PKNOX2: variants seen among roughly 807,000 people sequenced by gnomAD.
PKNOX2 encodes the protein homeobox protein PKNOX2.
A neutral mutation model predicts 53.1 loss-of-function variants in PKNOX2; 14 were observed. The observed-to-expected ratio is 0.26, with a 90% CI of 0.17 to 0.41. PKNOX2 has a LOEUF of 0.41. PKNOX2 is among the 10% of genes least tolerant of loss of function. The pLI is 1.00. For synonymous variants in PKNOX2, 257 were observed against 242.8 expected (o/e 1.06, Z -0.54); for missense variants, 496 against 602.8 (o/e 0.82, Z 1.85).
In PKNOX2 at chr11:125,299,795, C is replaced by T. The variant is rs552423940; in HGVS notation, c.-129-32024C>T. Reference sequence around the variant, plus strand: ...GCTGGATCCCCTCGCATCCCCCCACCGGGCTGCTCTGCTTTCCTGAGCCTC... The same window carrying T: ...GCTGGATCCCCTCGCATCCCCCCACTGGGCTGCTCTGCTTTCCTGAGCCTC... On this transcript the variant is annotated intron_variant, in intron 2 of 12. Transcript: ENST00000298282. Among the ~76,000 whole-genome samples the T allele has an allele frequency of 4.4e-4, 67 of 151,480 alleles. 1 individual carries two copies. Among genetic ancestry groups the T allele is most frequent in the South Asian group, 1.7e-3 (8 of 4,624 alleles).
At chr11:125,348,473 G>A (rs1288064499) in intron 3 of PKNOX2, among the ~76,000 whole-genome samples, 2 of 152,260 alleles carry the variant, frequency 1.3e-5, no homozygotes, top group African/African-American at 4.8e-5. Context: ...AGGAGGGGGA[G>A]GGGCCAGGGC....
intron 2 of PKNOX2, among the ~76,000 whole-genome samples, chr11:125,321,427 A>G (rs574675506): frequency 6.6e-6 from 1 of 152,332 alleles, no homozygotes; most frequent in South Asian, 2.1e-4. Context: ...TTAAATCTCT[A>G]GATTACTTAT....
At chr11:125,337,407 T>C (rs147051692) in intron 3 of PKNOX2, among the ~76,000 whole-genome samples, 1 of 152,248 alleles carries the variant, frequency 6.6e-6, no homozygotes, top group Non-Finnish European at 1.5e-5. Flanking sequence ...AGTTCTCACA[T>C]GTCCAACACT....
intron 2 of PKNOX2, among the ~76,000 whole-genome samples, chr11:125,318,740 A>G (rs1949352910): frequency 6.6e-6 from 1 of 152,084 alleles, no homozygotes; most frequent in Admixed American, 6.5e-5. Context: ...CCCAAATCTC[A>G]TTTCAAATTG....
At chr11:125,270,399 A>G (rs1264588556) in intron 2 of PKNOX2, among the ~76,000 whole-genome samples, 1 of 152,120 alleles carries the variant, frequency 6.6e-6, no homozygotes, top group African/African-American at 2.4e-5. Flanking sequence ...TCTATGTGTC[A>G]TCTCAAGGGC....
intron 3 of PKNOX2, among the ~76,000 whole-genome samples, chr11:125,349,641 C>G (rs112555773): frequency 0.016 from 2,453 of 152,144 alleles, 71 homozygotes; most frequent in African/African-American, 0.052. Context: ...CCTCTCCTAG[C>G]CATGCCTCAT....
chr11:125,303,492 G>A (rs948268599), intron 2 of PKNOX2, among the ~76,000 whole-genome samples: 11 of 152,126 alleles, frequency 7.2e-5, no homozygotes, highest in Admixed American at 3.3e-4. Context: ...GTCTGGATAC[G>A]TGGATGGTGA....
rs1460520704 is a variant in PKNOX2 at position 125,370,775 on chromosome 11, A to G, written c.227+2790A>G. Among the ~76,000 whole-genome samples the G allele has an allele frequency of 1.3e-5, 2 of 152,178 alleles. No individual in the cohort carries two copies. The highest frequency in any genetic ancestry group is 2.9e-5 in the Non-Finnish European group (2 of 68,028). Reference sequence around the variant, plus strand: ...GCTCAGCCTCCTGTAGGGTCGGGTAATTTTAATTAGATTTGCCTGCCTGGG... The same window carrying G: ...GCTCAGCCTCCTGTAGGGTCGGGTAGTTTTAATTAGATTTGCCTGCCTGGG... On this transcript the variant is annotated intron_variant, in intron 5 of 12. Coordinates refer to ENST00000298282, the MANE Select transcript of PKNOX2 (RefSeq NM_001382323.2). The surrounding 1 kb of genome is among the most constrained non-coding windows in gnomAD (Gnocchi z 4.1).
At chr11:125,257,006 G>C (rs956104089) in intron 2 of PKNOX2, among the ~76,000 whole-genome samples, 1 of 139,996 alleles carries the variant, frequency 7.1e-6, no homozygotes, top group East Asian at 2.1e-4. Context: ...ATCTGTGTAG[G>C]GTTTTTTTTT....
chr11:125,320,181 G>C (rs1348227236), intron 2 of PKNOX2, among the ~76,000 whole-genome samples: 1 of 152,132 alleles, frequency 6.6e-6, no homozygotes, highest in South Asian at 2.1e-4. Context: ...TGAAAGGAGA[G>C]GCATATTTAA....
intron 1 of PKNOX2, among the ~76,000 whole-genome samples, chr11:125,206,408 G>C (rs615112): frequency 0.48 from 73,158 of 151,816 alleles, 18,465 homozygotes; most frequent in African/African-American, 0.57. Context: ...ATGAACCAGC[G>C]TGGTGTGTGT....
intron 6 of PKNOX2, 124 bp from the exon 7 acceptor site, chr11:125,397,750 G>A: frequency 2.0e-6 from 2 of 997,550 alleles, no homozygotes; most frequent in Admixed American, 2.4e-5. Flanking sequence ...AAGATCAAGT[G>A]TAGGAAGCAT....
chr11:125,368,079 G>C lies in PKNOX2; in HGVS notation c.227+94G>C, dbSNP rs775451728. The C allele has an allele frequency of 7.1e-4, 1,035 of 1,452,654 alleles. 2 individuals carry two copies. Among genetic ancestry groups the C allele is most frequent in the Non-Finnish European group, 7.8e-4 (850 of 1,089,324 alleles). 90.0% of individuals were successfully genotyped at this position (1,452,654 alleles called of 1,614,324 possible). A position where few individuals can be genotyped will look rare whatever the true frequency, so the allele number is the denominator to read the frequency against. On this transcript the variant is annotated intron_variant, in intron 5 of 12. Coordinates refer to ENST00000298282, the MANE Select transcript of PKNOX2 (RefSeq NM_001382323.2). ...AGAATGCAGGCCAAAGGGTGGGCTC[G>C]GCAGAGATGACGGCCAATAGCTATT... is the stretch of plus-strand genomic sequence containing the variant.
chr11:125,407,936 G>C (rs1955216081), intron 7 of PKNOX2, among the ~76,000 whole-genome samples: 1 of 152,166 alleles, frequency 6.6e-6, no homozygotes. Flanking sequence ...TATACATAAG[G>C]AGATGAGGCC....
chr11:125,429,829 G>T (rs1956608775), intron 11 of PKNOX2, 134 bp from the exon 12 acceptor site: 2 of 1,053,542 alleles, frequency 1.9e-6, no homozygotes, highest in East Asian at 2.5e-5. Flanking sequence ...CCTCCTTGCT[G>T]GGCTTTTACA....
intron 2 of PKNOX2, among the ~76,000 whole-genome samples, chr11:125,314,765 C>T (rs573845878): frequency 1.7e-4 from 26 of 152,288 alleles, no homozygotes; most frequent in Non-Finnish European, 2.6e-4. Flanking sequence ...GGACAAAAAA[C>T]CTGGCAGAGA....
At chr11:125,209,022 G>A (rs774597073) in intron 1 of PKNOX2, among the ~76,000 whole-genome samples, 24 of 152,032 alleles carry the variant, frequency 1.6e-4, no homozygotes, top group African/African-American at 3.6e-4. Context: ...AGCGCAAATC[G>A]CTCTTTCACA....
chr11:125,209,662 T>C (rs1176193144), intron 1 of PKNOX2, among the ~76,000 whole-genome samples: 1 of 151,566 alleles, frequency 6.6e-6, no homozygotes, highest in Non-Finnish European at 1.5e-5. Flanking sequence ...CACACAGTAA[T>C]AGATGGGGCA....
At chr11:125,180,315 C>A (rs913020682) in intron 1 of PKNOX2, among the ~76,000 whole-genome samples, 5 of 152,146 alleles carry the variant, frequency 3.3e-5, no homozygotes, top group African/African-American at 9.7e-5. Context: ...TTTTCTTCCC[C>A]CTCTGCTCTA....
Sources: allele counts gnomAD v4.1 joint callset (sites outside exome capture counted in the v4.1 genomes callset), GRCh38; gene constraint gnomAD v4.1.1; non-coding constraint Gnocchi (gnomAD v3.1); transcripts MANE v1.5; gene names NCBI Gene and HGNC (gene_info 2026-07-23, HGNC 2026-07-21).